The following MOCS1 variants were observed in gnomAD, a reference collection of about 807,000 sequenced individuals.
MOCS1 encodes molybdenum cofactor synthesis 1, also known as molybdenum cofactor biosynthesis protein 1.
A neutral mutation model predicts 57.6 loss-of-function variants in MOCS1; 39 were observed. The ratio of observed to expected loss-of-function variants is 0.68; its 90% CI spans 0.52 to 0.88. MOCS1 has a LOEUF of 0.88. Ranked by LOEUF, MOCS1 falls within the 40% of genes least tolerant of loss-of-function variation. The pLI is 0.00. For missense variants in MOCS1, 795 were observed against 831.1 expected, an observed-to-expected ratio of 0.96 and a Z score of 0.53; for synonymous variants, 334 against 335.7, an observed-to-expected ratio of 1.00 and a Z score of 0.05.
rs886061389 is a variant in MOCS1, at chr6:39,906,986, T to C, written c.1282A>G (p.Arg428Gly). Reference protein sequence around the residue: ...SQVATLWKGCRVPQTPPLAQQ... With the variant: ...SQVATLWKGCGVPQTPPLAQQ... Reference sequence around the variant, plus strand: ...GCTAGAGGAGGGGTCTGGGGGACCCTGCATCCTTTCCATAAAGTGGCCACC... The same window carrying C: ...GCTAGAGGAGGGGTCTGGGGGACCCCGCATCCTTTCCATAAAGTGGCCACC... The change falls in exon 11 of 11, where the codon AGG becomes GGG. Residue 428 changes from arginine (R) to glycine (G), a missense_variant. This residue lies in a region of MOCS1 where 374 missense variants were observed against 422.6 expected (regional missense o/e 0.89). Transcript: ENST00000340692. 1.1e-5 allele frequency: 18 copies of C among 1,613,968 alleles called. No homozygotes were observed. The highest frequency in any genetic ancestry group is 1.4e-5 in the Non-Finnish European group (16 of 1,179,998).
Position 39,910,715 on chromosome 6 carries a change from T to C in MOCS1, c.982-760A>G, listed in dbSNP as rs553791131. 3.3e-5 allele frequency among the ~76,000 whole-genome samples: 5 copies of C among 152,310 alleles called. No homozygotes were observed. The South Asian group carries it at 1.0e-3, about 32-fold the overall frequency. Reference sequence around the variant, plus strand: ...CAGTGAAATCTAGGATAGGTCTAACTGCTTCAGCGTGCCTGTTATTCCTCA... The same window carrying C: ...CAGTGAAATCTAGGATAGGTCTAACCGCTTCAGCGTGCCTGTTATTCCTCA... On this transcript the variant is annotated intron_variant, in intron 8 of 10. Coordinates refer to ENST00000340692, the MANE Select transcript of MOCS1 (RefSeq NM_001358530.2).
chr6:39,922,926 T>C (rs1042362731), intron 3 of MOCS1, among the ~76,000 whole-genome samples: 4 of 152,120 alleles, frequency 2.6e-5, no homozygotes, highest in Non-Finnish European at 2.9e-5. Context: ...CATCCCTCCT[T>C]CCTCCACCAG....
At chr6:39,910,674 C>T (rs1186893795) in intron 8 of MOCS1, among the ~76,000 whole-genome samples, 1 of 152,164 alleles carries the variant, frequency 6.6e-6, no homozygotes, top group African/African-American at 2.4e-5. Context: ...CAGGCAGAGA[C>T]CACTGGAGAA....
chr6:39,925,592 T>G, intron 3 of MOCS1, 86 bp downstream of exon 3: 2 of 1,493,036 alleles, frequency 1.3e-6, no homozygotes, highest in Non-Finnish European at 1.9e-6. Flanking sequence ...TAAATGAATG[T>G]CAGCTGCCAC....
At chr6:39,927,273 A>C (rs1416226135) in intron 2 of MOCS1, 56 bp downstream of exon 2, 22 of 1,594,952 alleles carry the variant, frequency 1.4e-5, no homozygotes, top group Non-Finnish European at 1.8e-5. Flanking sequence ...GGAAATTTCA[A>C]GGGCTGCTTC....
chr6:39,907,268 G>T, intron 10 of MOCS1, 151 bp from the exon 11 acceptor site: 1 of 861,032 alleles, frequency 1.2e-6, no homozygotes, highest in Non-Finnish European at 1.7e-6. Flanking sequence ...AGTGGGACAA[G>T]ACAAAGTAGA....
intron 6 of MOCS1, 73 bp from the exon 7 acceptor site, chr6:39,913,077 C>A: frequency 8.6e-7 from 1 of 1,163,414 alleles, no homozygotes; most frequent in Non-Finnish European, 1.3e-6. Flanking sequence ...TCTTTGAGTC[C>A]ATCCCCTGCC....
intron 7 of MOCS1, 115 bp from the exon 8 acceptor site, chr6:39,912,489 A>T: frequency 1.3e-6 from 1 of 785,478 alleles, no homozygotes; most frequent in Non-Finnish European, 2.2e-6. Context: ...AGAGGACCCC[A>T]CGTGAAGCTC....
intron 1 of MOCS1, 56 bp from the exon 2 acceptor site, chr6:39,927,511 G>A (rs1220645293): frequency 6.2e-7 from 1 of 1,610,498 alleles, no homozygotes. Flanking sequence ...CTGGGAAGAG[G>A]CACAAGGAGA....
intron 2 of MOCS1, 151 bp downstream of exon 2, chr6:39,927,178 G>GC (rs1768365581): frequency 2.2e-6 from 2 of 918,440 alleles, no homozygotes; most frequent in Non-Finnish European, 3.3e-6. Context: ...TGCCCCTGAA[G>GC]CCCACCTGGC....
At chr6:39,912,196 GC>G in intron 8 of MOCS1, 67 bp downstream of exon 8, 1 of 1,198,548 alleles carries the variant, frequency 8.3e-7, no homozygotes, top group Non-Finnish European at 1.2e-6. Context: ...CAATCAGGGA[GC>G]ACAGGTGGGA....
chr6:39,906,390 A>G lies in MOCS1; in HGVS notation c.1878T>C (p.Thr626=), dbSNP rs1251801223. The G allele has an allele frequency of 6.3e-7, 1 of 1,599,770 alleles. No homozygotes were observed. Among genetic ancestry groups the G allele is most frequent in the Middle Eastern group, 1.8e-4 (1 of 5,430 alleles). The part of the protein sequence containing the change: ...VLEEIKLISK[T]GGQRGDFHRA ...GATGGAAGTCCCCCCGCTGACCACC[A>G]GTCTTGCTAATGAGCTTGATCTCCT... The change falls in exon 11 of 11, where the codon ACT becomes ACC. Residue 626 remains threonine, a synonymous_variant. Transcript: ENST00000340692.
chr6:39,913,516 C>A, intron 5 of MOCS1, 88 bp from the exon 6 acceptor site: 1 of 1,173,820 alleles, frequency 8.5e-7, no homozygotes, highest in Non-Finnish European at 1.3e-6. Flanking sequence ...CTCACTGAGG[C>A]CTTCCACTCA....
At chr6:39,908,133 C>G (rs2149397927) in intron 10 of MOCS1, among the ~76,000 whole-genome samples, 4 of 152,300 alleles carry the variant, frequency 2.6e-5, no homozygotes, top group Admixed American at 2.6e-4. Context: ...CAGTGGCAAG[C>G]TACCTTTGCT....
intron 10 of MOCS1, 104 bp downstream of exon 10, chr6:39,908,951 A>G: frequency 1.0e-6 from 1 of 957,120 alleles, no homozygotes; most frequent in East Asian, 2.4e-5. Context: ...AGGATGAGAA[A>G]TCAGCATGAA....
intron 1 of MOCS1, among the ~76,000 whole-genome samples, chr6:39,931,945 T>G (rs1408051489): frequency 6.6e-6 from 1 of 152,174 alleles, no homozygotes; most frequent in Non-Finnish European, 1.5e-5. Context: ...AGATGCAGGC[T>G]GGCAGGTTGC....
Position 39,916,219 on chromosome 6 carries a change from C to A in MOCS1, c.432G>T (p.Arg144=). The part of the protein sequence containing the change: ...DVVDIVAQLQ[R]LEGLRTIGVT... ...CACCTATGGTTCTCAGCCCTTCCAG[C>A]CGCTGGAGCTGGGCTGTAAGGACAA... The change falls in exon 4 of 11, where the codon CGG becomes CGT. Residue 144 remains arginine (R), a synonymous_variant. Coordinates refer to ENST00000340692, the MANE Select transcript of MOCS1 (RefSeq NM_001358530.2). 1 of 1,613,750 alleles carries A rather than the reference C, an allele frequency of 6.2e-7. No homozygotes were observed. The highest frequency in any genetic ancestry group is 8.5e-7 in the Non-Finnish European group (1 of 1,179,962).
At chr6:39,913,295 C>G (rs909734580) in intron 6 of MOCS1, 22 bp downstream of exon 6, 2 of 1,605,180 alleles carry the variant, frequency 1.2e-6, no homozygotes, top group African/African-American at 2.7e-5. Flanking sequence ...TTCCCTCCCT[C>G]AACCCATCCC....
chr6:39,910,135 A>C (rs1767237551), intron 8 of MOCS1, among the ~76,000 whole-genome samples, 180 bp from the exon 9 acceptor site: 2 of 152,228 alleles, frequency 1.3e-5, no homozygotes, highest in African/African-American at 4.8e-5. Flanking sequence ...AGAGGCTAGA[A>C]GAGCAAGAGG....
Sources: allele counts gnomAD v4.1 joint callset (sites outside exome capture counted in the v4.1 genomes callset), GRCh38; gene constraint gnomAD v4.1.1; regional missense constraint gnomAD v4.1.1; transcripts MANE v1.5; gene names NCBI Gene and HGNC (gene_info 2026-07-23, HGNC 2026-07-21).